Variants in CHL1 observed in about 807,000 individuals in gnomAD.
CHL1 encodes cell adhesion molecule L1 like.
In CHL1, 96 loss-of-function variants were observed where a neutral mutation model predicts 141.9. The ratio of observed to expected loss-of-function variants is 0.68; its 90% confidence interval spans 0.57 to 0.80. The LOEUF is 0.80. Among genes scored for constraint, CHL1 ranks in the 30% least tolerant of loss-of-function variants. The probability of loss-of-function intolerance (pLI) is 0.00; values close to 1 mark genes in which losing one functional copy is unlikely to be tolerated. For synonymous variants in CHL1, 613 were observed against 502.2 expected (o/e 1.22, Z -2.95); for missense variants, 1,820 against 1,457.2 (o/e 1.25, Z -4.05).
At chr3:227,547 G>A (rs1041006789) in intron 1 of CHL1, among the ~76,000 whole-genome samples, 11 of 152,180 alleles carry the variant, frequency 7.2e-5, no homozygotes, top group African/African-American at 2.2e-4. Context: ...CAAAAGGCAT[G>A]CATAGAAATC....
intron 2 of CHL1, among the ~76,000 whole-genome samples, chr3:281,752 G>T (rs1046707656): frequency 6.6e-6 from 1 of 151,964 alleles, no homozygotes; most frequent in Non-Finnish European, 1.5e-5. Flanking sequence ...TAGAGATGGG[G>T]TTTCACCATG....
At chr3:304,541 G>A (rs1214572653) in intron 2 of CHL1, among the ~76,000 whole-genome samples, 1 of 152,140 alleles carries the variant, frequency 6.6e-6, no homozygotes. Context: ...GGTGTTTATA[G>A]TATCCTCTGA....
chr3:325,990 A>C lies in CHL1; in HGVS notation c.123A>C (p.Ser41=). ...AGGTTCCAACAATCATAAAACAGTCAAAAGTCCAAGTTGCCTTTCCCTTCG... is the reference window on the plus strand; with the variant it reads ...AGGTTCCAACAATCATAAAACAGTCCAAAGTCCAAGTTGCCTTTCCCTTCG... ...VQQVPTIIKQ[S]KVQVAFPFDE... The change falls in exon 4 of 28, where the codon TCA becomes TCC. Residue 41 remains serine (S), a synonymous_variant. Transcript: ENST00000256509. 2 of 1,611,766 alleles carry C rather than the reference A, an allele frequency of 1.2e-6. No individual in the cohort carries two copies. Among genetic ancestry groups the C allele is most frequent in the Non-Finnish European group, 1.7e-6 (2 of 1,178,566 alleles).
chr3:201,530 G>A (rs1193065459), intron 1 of CHL1, among the ~76,000 whole-genome samples: 1 of 152,098 alleles, frequency 6.6e-6, no homozygotes, highest in Non-Finnish European at 1.5e-5. Context: ...GTGCGTGTGT[G>A]TGATGCTTAT....
At chr3:246,306 C>G (rs1693169055) in intron 2 of CHL1, among the ~76,000 whole-genome samples, 2 of 151,914 alleles carry the variant, frequency 1.3e-5, no homozygotes, top group African/African-American at 2.4e-5. Context: ...GGATGGTAAC[C>G]CGCAAAACAC....
intron 13 of CHL1, 56 bp downstream of exon 13, chr3:361,866 G>A (rs1316790512): frequency 1.7e-6 from 2 of 1,175,268 alleles, no homozygotes; most frequent in South Asian, 1.2e-5. Flanking sequence ...ATTTGACCTT[G>A]TTTCTTCATC....
At chr3:349,286 T>G in intron 9 of CHL1, 73 bp from the exon 10 acceptor site, 1 of 1,273,816 alleles carries the variant, frequency 7.9e-7, no homozygotes, top group Non-Finnish European at 1.1e-6. Context: ...ATAAAGGATG[T>G]GTCCTAAGGT....
intron 15 of CHL1, among the ~76,000 whole-genome samples, chr3:371,366 TC>T (rs1486241227): frequency 6.6e-6 from 1 of 152,192 alleles, no homozygotes; most frequent in Non-Finnish European, 1.5e-5. Context: ...GTAATGCCCT[TC>T]TTTGTCTTTT....
intron 2 of CHL1, among the ~76,000 whole-genome samples, chr3:281,493 T>C (rs890848661): frequency 6.6e-6 from 1 of 152,120 alleles, no homozygotes; most frequent in African/African-American, 2.4e-5. Context: ...CACCTCTGTC[T>C]TAAAGTCTAC....
At chr3:337,767 G>T (rs930915579) in intron 5 of CHL1, among the ~76,000 whole-genome samples, 2 of 152,052 alleles carry the variant, frequency 1.3e-5, no homozygotes, top group African/African-American at 4.8e-5. Flanking sequence ...GTCTATCATT[G>T]TTGGTTCCAG....
At chr3:255,219 T>TA (rs1489391097) in intron 2 of CHL1, among the ~76,000 whole-genome samples, 2 of 152,228 alleles carry the variant, frequency 1.3e-5, no homozygotes, top group South Asian at 2.1e-4. Flanking sequence ...TGTTTTGAGT[T>TA]AGAGTTGTTA....
intron 4 of CHL1, among the ~76,000 whole-genome samples, chr3:327,458 C>CAAATACTAT (rs1701104677): frequency 6.6e-6 from 1 of 151,826 alleles, no homozygotes; most frequent in African/African-American, 2.4e-5. Flanking sequence ...CAACATTTAT[C>CAAATACTAT]AAATACTATA....
At position 314,329 on chromosome 3, in the gene CHL1, GTATATATATATATATATATATA is replaced by G. The variant is rs56292297; in HGVS notation, c.-94-5334_-94-5313del. ...TCTCTTTCTCTCTCTCTCTCTATGT[GTATATATATATATATATATATA>G]TATATATATATATATATATCTGCTT... On this transcript the variant is annotated intron_variant, in intron 2 of 27. Transcript: ENST00000256509. Among the ~76,000 whole-genome samples, 23 of 65,336 alleles carry G rather than the reference GTATATATATATATATATATATA, an allele frequency of 3.5e-4. 1 individual carries two copies. The highest frequency in any genetic ancestry group is 1.7e-3 in the Admixed American group (9 of 5,170). The allele number at this position is 65,336 out of a possible 152,430, so 42.9% of individuals were successfully genotyped here. A position where few individuals can be genotyped will look rare whatever the true frequency, so the allele number is the denominator to read the frequency against.
intron 1 of CHL1, among the ~76,000 whole-genome samples, chr3:207,917 A>G (rs1371794003): frequency 6.6e-6 from 1 of 152,230 alleles, no homozygotes; most frequent in Non-Finnish European, 1.5e-5. Flanking sequence ...TGAGCAATTC[A>G]GGTGCAACTC....
chr3:315,845 G>C (rs957413750), intron 2 of CHL1, among the ~76,000 whole-genome samples: 1 of 152,026 alleles, frequency 6.6e-6, no homozygotes, highest in Non-Finnish European at 1.5e-5. Context: ...GAGGAGTTTA[G>C]AAGCAGAGGT....
At position 349,494 on chromosome 3, in the gene CHL1, C is replaced by T; in HGVS notation, c.984C>T (p.Ala328=). 1 of 1,613,888 alleles carries T rather than the reference C, an allele frequency of 6.2e-7. No individual in the cohort carries two copies. Among genetic ancestry groups the T allele is most frequent in the Non-Finnish European group, 8.5e-7 (1 of 1,179,894 alleles). The change falls in exon 10 of 28, where the codon GCC becomes GCT. Residue 328 remains alanine (A), a synonymous_variant. Coordinates refer to ENST00000256509, the MANE Select transcript of CHL1 (RefSeq NM_006614.4). ...ACAAAGGAAATTATCGCTGCACAGC[C>T]AGCAATTTCTTGGGAACAGCCACTC... ...YQDKGNYRCT[A]SNFLGTATHD... is the part of the protein sequence containing the mutation.
intron 1 of CHL1, among the ~76,000 whole-genome samples, chr3:220,292 T>C (rs1290927447): frequency 6.6e-6 from 1 of 152,192 alleles, no homozygotes; most frequent in Non-Finnish European, 1.5e-5. Context: ...AATTAAACCT[T>C]CAATGATCTG....
intron 2 of CHL1, among the ~76,000 whole-genome samples, chr3:272,686 A>T (rs546890042): frequency 6.6e-6 from 1 of 152,330 alleles, no homozygotes; most frequent in Non-Finnish European, 1.5e-5. Context: ...GCTTATGTTC[A>T]AATAGTTCAA....
intron 2 of CHL1, among the ~76,000 whole-genome samples, chr3:254,876 G>C (rs1257378630): frequency 1.3e-5 from 2 of 152,148 alleles, no homozygotes; most frequent in African/African-American, 4.8e-5. Context: ...AGGCCCACCA[G>C]TTAATACTAT....
Sources: allele counts gnomAD v4.1 joint callset (sites outside exome capture counted in the v4.1 genomes callset), GRCh38; gene constraint gnomAD v4.1.1; transcripts MANE v1.5; gene names NCBI Gene and HGNC (gene_info 2026-07-23, HGNC 2026-07-21).